NCKAP1L: variants seen among roughly 807,000 people sequenced by gnomAD.
The protein encoded by NCKAP1L is NCK associated protein 1 like.
Under a neutral mutation model 139.2 loss-of-function variants are expected in NCKAP1L, and 53 were observed. The observed-to-expected ratio is 0.38, with a 90% CI of 0.31 to 0.48. NCKAP1L has a LOEUF of 0.48. Ranked by LOEUF, NCKAP1L falls within the 20% of genes least tolerant of loss-of-function variation. The probability of loss-of-function intolerance (pLI) is 0.98; values close to 1 mark genes in which losing one functional copy is unlikely to be tolerated. For missense variants in NCKAP1L, 1,151 were observed against 1,381.9 expected, an observed-to-expected ratio of 0.83 and a Z score of 2.65; for synonymous variants, 468 against 499.7, an observed-to-expected ratio of 0.94 and a Z score of 0.85.
chr12:54,535,194 G>T lies in NCKAP1L; in HGVS notation c.2953G>T (p.Ala985Ser), dbSNP rs745818729. The T allele has an allele frequency of 1.2e-6, 2 of 1,613,246 alleles. No individual in the cohort carries two copies. Among genetic ancestry groups the T allele is most frequent in the Non-Finnish European group, 1.7e-6 (2 of 1,179,364 alleles). The stretch of plus-strand genomic sequence containing the variant: ...GGTGGCTGCCATTGCTAATCTGAAA[G>T]CTGGTAAGATTGGGGAAAGGGGGCG... ...ALVAAIANLK[A>S]DTSSPEEEYK... Residue 985 changes from alanine to serine, a missense_variant, in exon 27 of 31, where the codon GCT (alanine) becomes TCT (serine). By Grantham distance (99) the Ala-to-Ser change is moderately conservative. Transcript: ENST00000293373.
chr12:54,511,805 G>A lies in NCKAP1L; in HGVS notation c.738G>A (p.Met246Ile), dbSNP rs1281241530. The change falls in exon 8 of 31, where the codon ATG (methionine) becomes ATA (isoleucine). Residue 246 changes from methionine to isoleucine, a missense_variant and splice_region_variant. By Grantham distance (10) the Met-to-Ile change is conservative (BLOSUM62 1). Coordinates refer to ENST00000293373, the MANE Select transcript of NCKAP1L (RefSeq NM_005337.5). ...AMINPANSDT[M>I]ACEYLSVEVM... Reference sequence around the variant, plus strand: ...CATCTTTGCTTCTCTTCTCACAGATGGCCTGTGAGTATCTGTCTGTGGAAG... The same window carrying A: ...CATCTTTGCTTCTCTTCTCACAGATAGCCTGTGAGTATCTGTCTGTGGAAG... The A allele has an allele frequency of 6.2e-7, 1 of 1,613,990 alleles. No homozygotes were observed. Among genetic ancestry groups the A allele is most frequent in the Admixed American group, 1.7e-5 (1 of 59,992 alleles).
intron 30 of NCKAP1L, among the ~76,000 whole-genome samples, chr12:54,539,583 C>G (rs1263189793): frequency 6.6e-6 from 1 of 152,100 alleles, no homozygotes; most frequent in Non-Finnish European, 1.5e-5. Flanking sequence ...AGTTTTTTTC[C>G]TCATGGCCCT....
rs1271398704 is a variant in NCKAP1L, at chr12:54,543,870, G to T, written c.*1185G>T. 6.6e-6 allele frequency: 1 copy of T among 152,164 alleles called. No homozygotes were observed. The highest frequency in any genetic ancestry group is 1.5e-5 in the Non-Finnish European group (1 of 68,028). The allele number at this position is 152,164 out of a possible 1,614,324, so 9.4% of individuals were successfully genotyped here. ...ATCATATATGTCACAGGTCTAGAGT[G>T]GTTGGAATTGACAAATATAATTAGC... On this transcript the variant is annotated 3_prime_UTR_variant, in exon 31 of 31. Coordinates refer to ENST00000293373, the MANE Select transcript of NCKAP1L (RefSeq NM_005337.5).
At chr12:54,541,385 G>C (rs866765922) in intron 30 of NCKAP1L, among the ~76,000 whole-genome samples, 9 of 152,192 alleles carry the variant, frequency 5.9e-5, no homozygotes, top group African/African-American at 2.2e-4. Context: ...ATGGAGAATA[G>C]AAAGTCTTGG....
At position 54,507,837 on chromosome 12, in the gene NCKAP1L, T is replaced by A; in HGVS notation, c.307-16T>A. ...TTTGATTTTTTATTAATTCTTGTCT[T>A]CACTTCCACCCCCAGGATCATGTAT... On this transcript the variant is annotated splice_polypyrimidine_tract_variant and intron_variant, in intron 3 of 30. Coordinates refer to ENST00000293373, the MANE Select transcript of NCKAP1L (RefSeq NM_005337.5). The A allele has an allele frequency of 6.2e-7, 1 of 1,612,548 alleles. No individual in the cohort carries two copies. The highest frequency in any genetic ancestry group is 8.5e-7 in the Non-Finnish European group (1 of 1,178,578).
intron 10 of NCKAP1L, among the ~76,000 whole-genome samples, 198 bp from the exon 11 acceptor site, chr12:54,516,698 G>A (rs990339047): frequency 7.2e-5 from 11 of 151,996 alleles, no homozygotes; most frequent in Admixed American, 2.6e-4. Context: ...TGCCCACCTC[G>A]GCCTCCCAAC....
chr12:54,522,699 T>C (rs773167119), intron 18 of NCKAP1L, among the ~76,000 whole-genome samples: 1 of 152,222 alleles, frequency 6.6e-6, no homozygotes, highest in Non-Finnish European at 1.5e-5. Flanking sequence ...GGTCTTATGC[T>C]GCTCTCAGAG....
In NCKAP1L at chr12:54,546,779, A is replaced by T. The variant is rs1957201378; in HGVS notation, c.*4094A>T. The stretch of plus-strand genomic sequence containing the variant: ...CACTTGAATAGGAAGCAGGAGCAGC[A>T]GGCCAGGTTGCAGGTTGAGGAAGTC... On this transcript the variant is annotated 3_prime_UTR_variant, in exon 31 of 31. Coordinates refer to ENST00000293373, the MANE Select transcript of NCKAP1L (RefSeq NM_005337.5). 6.6e-6 allele frequency: 1 copy of T among 152,420 alleles called. No homozygotes were observed. The highest frequency in any genetic ancestry group is 1.9e-4 in the East Asian group (1 of 5,196). The allele number at this position is 152,420 out of a possible 1,614,324, so 9.4% of individuals were successfully genotyped here. A position where few individuals can be genotyped will look rare whatever the true frequency, so the allele number is the denominator to read the frequency against.
chr12:54,537,631 A>G (rs560205593), intron 29 of NCKAP1L, among the ~76,000 whole-genome samples: 1 of 152,330 alleles, frequency 6.6e-6, no homozygotes, highest in South Asian at 2.1e-4. Context: ...CTAACTCTGT[A>G]TGGACAAATG....
intron 9 of NCKAP1L, among the ~76,000 whole-genome samples, chr12:54,513,586 A>G (rs1009126821): frequency 5.3e-5 from 8 of 152,236 alleles, no homozygotes; most frequent in African/African-American, 1.9e-4. Flanking sequence ...AAGCATTCCT[A>G]GAAGGAAGGA....
At chr12:54,521,989 A>T (rs1475017341) in intron 18 of NCKAP1L, among the ~76,000 whole-genome samples, 1 of 152,128 alleles carries the variant, frequency 6.6e-6, no homozygotes, top group African/African-American at 2.4e-5. Context: ...TGGGGATAAA[A>T]ATAGTTTCTT....
intron 3 of NCKAP1L, among the ~76,000 whole-genome samples, chr12:54,504,862 T>A (rs1379214104): frequency 6.6e-6 from 1 of 152,224 alleles, no homozygotes; most frequent in Non-Finnish European, 1.5e-5. Flanking sequence ...CCAACACATG[T>A]TATTTCCGTT....
intron 18 of NCKAP1L, among the ~76,000 whole-genome samples, chr12:54,522,762 G>A (rs1956994476): frequency 6.6e-6 from 1 of 152,188 alleles, no homozygotes. Flanking sequence ...CAGCAGCTCT[G>A]GAGTAAATGG....
intron 26 of NCKAP1L, among the ~76,000 whole-genome samples, chr12:54,532,964 G>C (rs1957084773): frequency 6.6e-6 from 1 of 152,240 alleles, no homozygotes; most frequent in Admixed American, 6.5e-5. Context: ...CTTTAATGGA[G>C]AGTGGTCTGT....
At chr12:54,502,284 C>A (rs918874047) in intron 3 of NCKAP1L, among the ~76,000 whole-genome samples, 2 of 152,168 alleles carry the variant, frequency 1.3e-5, no homozygotes, top group African/African-American at 4.8e-5. Context: ...TGTTGGTGCT[C>A]AACAGGTTTC....
chr12:54,544,474 A>G lies in NCKAP1L; in HGVS notation c.*1789A>G, dbSNP rs1957184065. ...CACCTGCACTTGTAAGAAATCATACAGAGAAATTCTATTTTCCTTTACACA... is the reference window on the plus strand; with the variant it reads ...CACCTGCACTTGTAAGAAATCATACGGAGAAATTCTATTTTCCTTTACACA... On this transcript the variant is annotated 3_prime_UTR_variant, in exon 31 of 31. Coordinates refer to ENST00000293373, the MANE Select transcript of NCKAP1L (RefSeq NM_005337.5). 6.6e-6 allele frequency: 1 copy of G among 152,230 alleles called. No individual in the cohort carries two copies. The highest frequency in any genetic ancestry group is 6.5e-5 in the Admixed American group (1 of 15,286). 9.4% of individuals were successfully genotyped at this position (152,230 alleles called of 1,614,324 possible).
At chr12:54,502,088 G>T (rs573996821) in intron 3 of NCKAP1L, among the ~76,000 whole-genome samples, 2 of 150,984 alleles carry the variant, frequency 1.3e-5, no homozygotes, top group Admixed American at 6.6e-5. Context: ...TGGATTTTTT[G>T]TGTGTGTTGA....
chr12:54,511,696 C>A, intron 7 of NCKAP1L, 107 bp from the exon 8 acceptor site: 1 of 1,235,650 alleles, frequency 8.1e-7, no homozygotes, highest in South Asian at 1.4e-5. Context: ...CGTTAGCCAC[C>A]ACCCCTTGCC....
chr12:54,514,459 T>C (rs1841373031), intron 9 of NCKAP1L, among the ~76,000 whole-genome samples: 2 of 152,156 alleles, frequency 1.3e-5, no homozygotes, highest in South Asian at 4.1e-4. Flanking sequence ...GTAGCTGGGA[T>C]TACAGGCATG....
Sources: allele counts gnomAD v4.1 joint callset (sites outside exome capture counted in the v4.1 genomes callset), GRCh38; gene constraint gnomAD v4.1.1; transcripts MANE v1.5; gene names NCBI Gene and HGNC (gene_info 2026-07-23, HGNC 2026-07-21).